Variants in NAV2 observed in about 807,000 individuals in gnomAD.
The protein encoded by NAV2 is neuron navigator 2, also known as helicase, APC down-regulated 1.
A neutral mutation model predicts 223.2 loss-of-function variants in NAV2; 54 were observed. The ratio of observed to expected loss-of-function variants is 0.24; its 90% CI spans 0.19 to 0.30. The LOEUF is 0.30. NAV2 is among the 10% of genes least tolerant of loss of function. NAV2 has a pLI of 1.00. For synonymous variants in NAV2, 1,279 were observed against 1,239.3 expected (o/e 1.03, Z -0.67); for missense variants, 2,806 against 3,147.5 (o/e 0.89, Z 2.60).
At chr11:19,488,907 A>C (rs892895390) in intron 1 of NAV2, among the ~76,000 whole-genome samples, 1 of 152,114 alleles carries the variant, frequency 6.6e-6, no homozygotes. Context: ...CTAGAGGGTG[A>C]CCCTGTCTGT....
chr11:19,446,810 C>A (rs1009324349), intron 1 of NAV2, among the ~76,000 whole-genome samples: 6 of 152,094 alleles, frequency 3.9e-5, no homozygotes, highest in African/African-American at 1.4e-4. Flanking sequence ...TATGACCATC[C>A]CATTACAGAC....
At chr11:19,934,828 GT>G (rs2045702494) in intron 7 of NAV2, among the ~76,000 whole-genome samples, 1 of 152,002 alleles carries the variant, frequency 6.6e-6, no homozygotes, top group African/African-American at 2.4e-5. Context: ...GGAGGGGCTG[GT>G]CTAGAAGAAC....
chr11:19,405,150 A>T (rs1849840511), intron 1 of NAV2, among the ~76,000 whole-genome samples: 1 of 152,220 alleles, frequency 6.6e-6, no homozygotes, highest in Non-Finnish European at 1.5e-5. Context: ...AGAAAAGGAA[A>T]ACTCATTCAC....
At chr11:19,676,631 A>G (rs1167032197) in intron 1 of NAV2, among the ~76,000 whole-genome samples, 6 of 152,204 alleles carry the variant, frequency 3.9e-5, no homozygotes, top group African/African-American at 1.4e-4. Flanking sequence ...CCCAGGGAAG[A>G]TGTGGACGTC....
At chr11:19,804,934 A>G (rs182106881) in intron 1 of NAV2, among the ~76,000 whole-genome samples, 424 of 152,338 alleles carry the variant, frequency 2.8e-3, no homozygotes, top group African/African-American at 9.5e-3. Context: ...GAGGCTGGAA[A>G]GAGGTGGGTC....
intron 1 of NAV2, among the ~76,000 whole-genome samples, chr11:19,512,128 C>T (rs1438990734): frequency 2.0e-5 from 3 of 152,146 alleles, no homozygotes; most frequent in Non-Finnish European, 2.9e-5. Context: ...CATCAGGAAA[C>T]CACTTCATTC....
intron 1 of NAV2, among the ~76,000 whole-genome samples, chr11:19,356,672 G>C (rs927307047): frequency 1.3e-5 from 2 of 152,160 alleles, no homozygotes; most frequent in African/African-American, 2.4e-5. Flanking sequence ...TGGCCTTTTG[G>C]GGGGCTGCAG....
At chr11:19,651,570 C>T (rs962781236) in intron 1 of NAV2, among the ~76,000 whole-genome samples, 1 of 152,178 alleles carries the variant, frequency 6.6e-6, no homozygotes, top group African/African-American at 2.4e-5. Context: ...GGTCAAGATT[C>T]CCCTGTCAGC....
At chr11:19,908,383 G>C (rs2165799) in intron 6 of NAV2, among the ~76,000 whole-genome samples, 40,133 of 151,982 alleles carry the variant, frequency 0.26, 6,990 homozygotes, top group African/African-American at 0.47. Context: ...TCCTTCCTCC[G>C]TTAACCTCTT....
intron 31 of NAV2, among the ~76,000 whole-genome samples, chr11:20,099,352 A>G (rs1012470991): frequency 5.9e-5 from 9 of 152,198 alleles, no homozygotes; most frequent in African/African-American, 2.2e-4. Context: ...CCCTCCTGCC[A>G]AGCATGCGTT....
chr11:19,725,751 G>A (rs2051180554), intron 1 of NAV2, among the ~76,000 whole-genome samples: 1 of 152,238 alleles, frequency 6.6e-6, no homozygotes, highest in African/African-American at 2.4e-5. Context: ...TAGATTTGAA[G>A]TATATGAATT....
At chr11:19,409,601 ACTGT>A (rs1031980635) in intron 1 of NAV2, among the ~76,000 whole-genome samples, 28 of 152,282 alleles carry the variant, frequency 1.8e-4, no homozygotes, top group African/African-American at 6.7e-4. Context: ...GGACTCCAAG[ACTGT>A]CTGGTCTGAG....
intron 2 of NAV2, 62 bp downstream of exon 2, chr11:19,832,663 G>A: frequency 1.5e-6 from 2 of 1,317,118 alleles, no homozygotes; most frequent in South Asian, 2.4e-5. Context: ...AAAGGCCGGG[G>A]TGAGGGGAAC....
At chr11:19,976,242 G>A (rs758168187) in intron 10 of NAV2, among the ~76,000 whole-genome samples, 29 of 152,018 alleles carry the variant, frequency 1.9e-4, no homozygotes, top group Non-Finnish European at 3.4e-4. Context: ...AGAAGGTCTC[G>A]GATATTGCTT....
chr11:19,870,194 G>A (rs1215870618), intron 4 of NAV2, among the ~76,000 whole-genome samples: 3 of 152,146 alleles, frequency 2.0e-5, no homozygotes, highest in Non-Finnish European at 4.4e-5. Flanking sequence ...CCTGGGGTAC[G>A]GACCCTCATC....
chr11:19,773,146 C>A (rs570795655), intron 1 of NAV2, among the ~76,000 whole-genome samples: 1 of 152,320 alleles, frequency 6.6e-6, no homozygotes, highest in South Asian at 2.1e-4. Flanking sequence ...GACAGTCCAA[C>A]TTTCATTCAG....
At chr11:19,689,010 G>C (rs1462435212) in intron 1 of NAV2, among the ~76,000 whole-genome samples, 2 of 152,190 alleles carry the variant, frequency 1.3e-5, no homozygotes, top group Non-Finnish European at 2.9e-5. Context: ...ACATTCCCTG[G>C]CTGAAAGTAA....
At chr11:19,491,989 G>A (rs1170838807) in intron 1 of NAV2, among the ~76,000 whole-genome samples, 1 of 151,460 alleles carries the variant, frequency 6.6e-6, no homozygotes, top group Non-Finnish European at 1.5e-5. Flanking sequence ...GAGAGAGAAA[G>A]AGAGATGGGG....
intron 11 of NAV2, among the ~76,000 whole-genome samples, chr11:19,992,841 A>T (rs564333606): frequency 1.3e-5 from 2 of 151,982 alleles, no homozygotes; most frequent in African/African-American, 4.8e-5. Context: ...TGATCCACCT[A>T]CTCAGCCTCC....
Sources: gnomAD v4.1 joint callset for allele counts (sites outside exome capture counted in the v4.1 genomes callset) on GRCh38, gnomAD v4.1.1 for gene constraint, MANE v1.5 for transcripts, NCBI Gene and HGNC (gene_info 2026-07-23, HGNC 2026-07-21) for gene names.